Variants in PDE8B observed in about 807,000 individuals in gnomAD.
The protein encoded by PDE8B is phosphodiesterase 8B, also known as high affinity cAMP-specific and IBMX-insensitive 3',5'-cyclic phosphodiesterase 8B.
Under a neutral mutation model 101.3 loss-of-function variants are expected in PDE8B, and 26 were observed. The observed-to-expected ratio is 0.26, with a 90% CI of 0.19 to 0.36. The LOEUF (loss-of-function observed/expected upper bound fraction) is 0.36, where lower values mean the gene tolerates loss of function less well. PDE8B is among the 10% of genes least tolerant of loss of function. The probability of loss-of-function intolerance (pLI) is 1.00; values close to 1 mark genes in which losing one functional copy is unlikely to be tolerated. For synonymous variants in PDE8B, 424 were observed against 429.3 expected (o/e 0.99, Z 0.15); for missense variants, 810 against 1,163.1 (o/e 0.70, Z 4.42).
At chr5:77,304,811 G>A (rs1164568834) in intron 1 of PDE8B, among the ~76,000 whole-genome samples, 1 of 152,134 alleles carries the variant, frequency 6.6e-6, no homozygotes, top group East Asian at 1.9e-4. Context: ...GTTTGGGGGG[G>A]ATAATTCACC....
At chr5:77,321,142 A>ATTTTTTTTT (rs10538529) in intron 2 of PDE8B, among the ~76,000 whole-genome samples, 4 of 76,432 alleles carry the variant, frequency 5.2e-5, no homozygotes, top group Admixed American at 1.8e-4. Context: ...CAGTATCTCT[A>ATTTTTTTTT]TTTTTTTTTT....
the PDE8B span, among the ~76,000 whole-genome samples, chr5:77,092,894 A>AGT: frequency 6.6e-6 from 1 of 152,212 alleles, no homozygotes; most frequent in Non-Finnish European, 1.5e-5. Context: ...AATACACTCC[A>AGT]GCCTGGGTGA....
the PDE8B span, among the ~76,000 whole-genome samples, chr5:77,186,007 G>T: frequency 6.6e-6 from 1 of 152,180 alleles, no homozygotes; most frequent in East Asian, 1.9e-4. Flanking sequence ...CAGGGTTATT[G>T]TCCTGATTAA....
In PDE8B at chr5:77,312,704, C is replaced by T. The variant is rs76456393; in HGVS notation, c.399+651C>T. Reference sequence around the variant, plus strand: ...CTGCAAAATGGAGATGATTATGCCTCGGGAAATTGTAAGTTAAATGAGATA... The same window carrying T: ...CTGCAAAATGGAGATGATTATGCCTTGGGAAATTGTAAGTTAAATGAGATA... On this transcript the variant is annotated intron_variant, in intron 2 of 21. Transcript: ENST00000264917. 5.3e-3 allele frequency among the ~76,000 whole-genome samples: 810 copies of T among 152,302 alleles called. 8 individuals are homozygous for T. The highest frequency in any genetic ancestry group is 0.018 in the African/African-American group (752 of 41,566).
chr5:77,414,250 T>A (rs974033088), intron 17 of PDE8B, among the ~76,000 whole-genome samples: 2 of 152,204 alleles, frequency 1.3e-5, no homozygotes, highest in African/African-American at 4.8e-5. Context: ...TGATATTTAT[T>A]CACTTTCATC....
intron 10 of PDE8B, among the ~76,000 whole-genome samples, chr5:77,373,552 A>G (rs1785468613): frequency 6.6e-6 from 1 of 152,112 alleles, no homozygotes; most frequent in Non-Finnish European, 1.5e-5. Flanking sequence ...CTATAGAATA[A>G]TTTCCATTTT....
the PDE8B span, among the ~76,000 whole-genome samples, chr5:77,109,927 GTTTTTT>G: frequency 7.4e-4 from 50 of 67,250 alleles, no homozygotes; most frequent in Middle Eastern, 0.013. Flanking sequence ...TTGTATTTCA[GTTTTTT>G]TTTTTTTTTT....
the PDE8B span, chr5:77,145,024 T>A: frequency 3.3e-5 from 5 of 152,120 alleles, no homozygotes; most frequent in Non-Finnish European, 7.3e-5. Context: ...TTAACAAATG[T>A]GACATTTTCC....
At chr5:77,407,119 CCTT>C (rs1393615676) in intron 12 of PDE8B, among the ~76,000 whole-genome samples, 2 of 152,202 alleles carry the variant, frequency 1.3e-5, no homozygotes, top group Non-Finnish European at 2.9e-5. Flanking sequence ...ACCTCATCAA[CCTT>C]CTCTGAAATT....
intron 1 of PDE8B, among the ~76,000 whole-genome samples, chr5:77,254,797 C>A (rs944638725): frequency 6.6e-6 from 1 of 152,108 alleles, no homozygotes; most frequent in African/African-American, 2.4e-5. Context: ...CTGGATGGAC[C>A]AGTAATAGCA....
At position 77,426,925 on chromosome 5, in the gene PDE8B, TG is replaced by T. The variant is rs1798243847; in HGVS notation, c.*372del. 3.3e-6 allele frequency: 1 copy of T among 304,552 alleles called. No homozygotes were observed. The highest frequency in any genetic ancestry group is 6.3e-6 in the Non-Finnish European group (1 of 158,250). The allele number at this position is 304,552 out of a possible 1,614,324, so 18.9% of individuals were successfully genotyped here. On this transcript the variant is annotated 3_prime_UTR_variant, in exon 22 of 22. Transcript: ENST00000264917. ...GATGGTGACTAAGTAGCTTAGCTAGTGATCAGCTCATCCTTTACCATAAAAG... is the reference window on the plus strand; with the variant it reads ...GATGGTGACTAAGTAGCTTAGCTAGTATCAGCTCATCCTTTACCATAAAAG...
chr5:77,401,485 C>G (rs1022076290), intron 11 of PDE8B, among the ~76,000 whole-genome samples: 2 of 152,178 alleles, frequency 1.3e-5, no homozygotes, highest in African/African-American at 4.8e-5. Flanking sequence ...ACAGTTTCCA[C>G]CATTTATTCT....
At chr5:77,205,397 CA>C in the PDE8B span, among the ~76,000 whole-genome samples, 1 of 152,206 alleles carries the variant, frequency 6.6e-6, no homozygotes, top group African/African-American at 2.4e-5. Flanking sequence ...AGGACTATTT[CA>C]CCATGAAAGT....
At chr5:77,386,344 G>A (rs1359345947) in intron 10 of PDE8B, among the ~76,000 whole-genome samples, 1 of 152,140 alleles carries the variant, frequency 6.6e-6, no homozygotes, top group East Asian at 1.9e-4. Flanking sequence ...TTAATTTTCT[G>A]TCTTGTTGAT....
Position 77,412,138 on chromosome 5 carries a change from A to T in PDE8B, c.1615A>T (p.Thr539Ser), listed in dbSNP as rs1794686978. The T allele has an allele frequency of 6.2e-7, 1 of 1,613,902 alleles. No individual in the cohort carries two copies. Among genetic ancestry groups the T allele is most frequent in the African/African-American group, 1.3e-5 (1 of 74,910 alleles). Reference protein sequence around the residue: ...QSHSHLAMPITINDVPPCISQ... With the variant: ...QSHSHLAMPISINDVPPCISQ... ...TCACAGTCACCTTGCAATGCCAATA[A>T]CCATCAATGATGTTCCCCCTTGTAT... is the stretch of plus-strand genomic sequence containing the variant. The change falls in exon 16 of 22, where the codon ACC (threonine) becomes TCC (serine). Residue 539 changes from threonine (T) to serine (S), a missense_variant. Coordinates refer to ENST00000264917, the MANE Select transcript of PDE8B (RefSeq NM_003719.5).
At chr5:77,271,108 C>G (rs1762701507) in intron 1 of PDE8B, among the ~76,000 whole-genome samples, 1 of 152,218 alleles carries the variant, frequency 6.6e-6, no homozygotes, top group Admixed American at 6.5e-5. Context: ...TGCCTCTTCC[C>G]AGGTCACTAT....
At chr5:77,225,880 A>C (rs768536115) in intron 1 of PDE8B, among the ~76,000 whole-genome samples, 15 of 100,718 alleles carry the variant, frequency 1.5e-4, no homozygotes, top group Non-Finnish European at 2.4e-4. Context: ...ACACACACAC[A>C]CCCCACGCAC....
chr5:77,371,922 C>T (rs1012077922), intron 10 of PDE8B, among the ~76,000 whole-genome samples: 7 of 151,988 alleles, frequency 4.6e-5, no homozygotes, highest in East Asian at 1.9e-4. Context: ...GATTTTTTGC[C>T]GGGTGCAGTG....
At chr5:77,317,904 A>G (rs1481778404) in intron 2 of PDE8B, among the ~76,000 whole-genome samples, 1 of 151,934 alleles carries the variant, frequency 6.6e-6, no homozygotes, top group Non-Finnish European at 1.5e-5. Context: ...TAAAAATACA[A>G]AAATTAGTCG....
Sources: gnomAD v4.1 joint callset for allele counts (sites outside exome capture counted in the v4.1 genomes callset) on GRCh38, gnomAD v4.1.1 for gene constraint, MANE v1.5 for transcripts, NCBI Gene and HGNC (gene_info 2026-07-23, HGNC 2026-07-21) for gene names.